Variants in TENM2 observed in about 807,000 individuals in gnomAD.
TENM2 encodes the protein teneurin transmembrane protein 2.
TENM2 carries 52 observed loss-of-function variants against 245.2 expected under a neutral mutation model. That is an observed-to-expected ratio of 0.21 (90% CI 0.17 to 0.27). The LOEUF (loss-of-function observed/expected upper bound fraction) is 0.27, where lower values mean the gene tolerates loss of function less well. TENM2 is among the 10% of genes least tolerant of loss of function. The pLI, the probability that TENM2 is intolerant of heterozygous loss-of-function variation, is 1.00. For synonymous variants in TENM2, 1,363 were observed against 1,438.9 expected (o/e 0.95, Z 1.19); for missense variants, 3,046 against 3,666.8 (o/e 0.83, Z 4.37).
At chr5:167,926,834 A>T (rs1006440019) in intron 3 of TENM2, among the ~76,000 whole-genome samples, 2 of 151,780 alleles carry the variant, frequency 1.3e-5, no homozygotes, top group African/African-American at 4.8e-5. Flanking sequence ...CTTAGTTGTG[A>T]TACTATGATA....
At chr5:167,105,136 G>A in the TENM2 span, among the ~76,000 whole-genome samples, 1 of 152,164 alleles carries the variant, frequency 6.6e-6, no homozygotes, top group African/African-American at 2.4e-5. Flanking sequence ...AGGGAAAAAA[G>A]TAGATGCAAT....
chr5:167,673,433 A>T (rs570795373), intron 2 of TENM2, among the ~76,000 whole-genome samples: 1 of 152,086 alleles, frequency 6.6e-6, no homozygotes, highest in Non-Finnish European at 1.5e-5. Context: ...TAGTTGTCCA[A>T]TGGGGAAGTT....
At chr5:168,087,972 C>A (rs1213744398) in intron 7 of TENM2, among the ~76,000 whole-genome samples, 1 of 152,102 alleles carries the variant, frequency 6.6e-6, no homozygotes, top group Non-Finnish European at 1.5e-5. Flanking sequence ...TCTGAGGAGC[C>A]AGCCAAAATA....
At chr5:168,015,834 A>G (rs1489464545) in intron 5 of TENM2, among the ~76,000 whole-genome samples, 1 of 152,180 alleles carries the variant, frequency 6.6e-6, no homozygotes, top group Non-Finnish European at 1.5e-5. Flanking sequence ...GGTGAGCATT[A>G]ATGATGCTTC....
chr5:167,350,044 G>C (rs1321849980), intron 1 of TENM2, among the ~76,000 whole-genome samples: 1 of 152,118 alleles, frequency 6.6e-6, no homozygotes, highest in Non-Finnish European at 1.5e-5. Context: ...TATCAATATG[G>C]ACTCATACAG....
intron 2 of TENM2, among the ~76,000 whole-genome samples, chr5:167,817,832 G>T (rs772981652): frequency 3.3e-5 from 5 of 152,178 alleles, no homozygotes; most frequent in Non-Finnish European, 7.4e-5. Flanking sequence ...AGTCAGTCTT[G>T]TGTGTTCCAG....
intron 3 of TENM2, among the ~76,000 whole-genome samples, chr5:167,946,552 G>A (rs756667082): frequency 4.1e-4 from 62 of 152,226 alleles, no homozygotes; most frequent in Non-Finnish European, 6.3e-4. Context: ...TGCCATTTAA[G>A]CAAATGTGCA....
intron 2 of TENM2, among the ~76,000 whole-genome samples, chr5:167,477,280 A>T (rs1444451447): frequency 6.6e-6 from 1 of 151,088 alleles, no homozygotes; most frequent in Non-Finnish European, 1.5e-5. Context: ...AAAAAAAAAA[A>T]AATACCATGA....
At chr5:168,219,112 T>C in intron 23 of TENM2, 113 bp downstream of exon 25, 1 of 1,075,606 alleles carries the variant, frequency 9.3e-7, no homozygotes, top group Non-Finnish European at 1.3e-6. Flanking sequence ...TCTTTCTAAC[T>C]TTAATGATGT....
At chr5:168,176,136 G>A (rs1759338212) in intron 13 of TENM2, among the ~76,000 whole-genome samples, 2 of 152,114 alleles carry the variant, frequency 1.3e-5, no homozygotes, top group Admixed American at 6.6e-5. Flanking sequence ...ACTTCTCTGC[G>A]CTGGACTATG....
chr5:167,496,980 C>G (rs1411465096), intron 2 of TENM2, among the ~76,000 whole-genome samples: 2 of 151,488 alleles, frequency 1.3e-5, no homozygotes, highest in East Asian at 3.9e-4. Flanking sequence ...ATTAGAATCA[C>G]TAGACATTTT....
At chr5:168,023,285 C>A (rs1384139326) in intron 5 of TENM2, among the ~76,000 whole-genome samples, 1 of 152,212 alleles carries the variant, frequency 6.6e-6, no homozygotes, top group Non-Finnish European at 1.5e-5. Context: ...TAAAAATAAG[C>A]CAGCCTGATG....
intron 2 of TENM2, among the ~76,000 whole-genome samples, chr5:167,786,753 C>A (rs1051060493): frequency 6.6e-6 from 1 of 152,224 alleles, no homozygotes; most frequent in Non-Finnish European, 1.5e-5. Flanking sequence ...TCTGTTTGTT[C>A]AGAGCCTGTC....
chr5:166,998,937 A>T, the TENM2 span, among the ~76,000 whole-genome samples: 1 of 151,852 alleles, frequency 6.6e-6, no homozygotes, highest in African/African-American at 2.4e-5. Flanking sequence ...TGAAGAAAAA[A>T]GGATTGGCCA....
At chr5:167,759,086 A>G (rs1762494286) in intron 2 of TENM2, among the ~76,000 whole-genome samples, 1 of 149,950 alleles carries the variant, frequency 6.7e-6, no homozygotes. Context: ...TTCAAATCCC[A>G]GTTCTGACAC....
intron 1 of TENM2, among the ~76,000 whole-genome samples, chr5:167,328,204 G>GTTTTTTT (rs70976412): frequency 8.8e-5 from 8 of 91,022 alleles, no homozygotes; most frequent in African/African-American, 3.4e-4. Context: ...TTCTCATATC[G>GTTTTTTT]TTTTTTTTTT....
chr5:167,082,410 A>G, the TENM2 span, among the ~76,000 whole-genome samples: 1 of 152,006 alleles, frequency 6.6e-6, no homozygotes, highest in Admixed American at 6.6e-5. Flanking sequence ...CGGCCTCCCA[A>G]GTAGCTGGGC....
At chr5:167,779,268 TGGGCAACA>T (rs1764022050) in intron 2 of TENM2, among the ~76,000 whole-genome samples, 1 of 152,310 alleles carries the variant, frequency 6.6e-6, no homozygotes, top group East Asian at 1.9e-4. Flanking sequence ...CCTAGTGTGT[TGGGCAACA>T]GGGACCCATC....
At chr5:167,078,906 C>T in the TENM2 span, among the ~76,000 whole-genome samples, 77 of 152,072 alleles carry the variant, frequency 5.1e-4, 2 homozygotes, top group Non-Finnish European at 2.9e-5. Context: ...CACTGCAGTA[C>T]CATGCTTGGG....
Sources: gnomAD v4.1 joint callset for allele counts (sites outside exome capture counted in the v4.1 genomes callset) on GRCh38, gnomAD v4.1.1 for gene constraint, MANE v1.5 for transcripts, NCBI Gene and HGNC (gene_info 2026-07-23, HGNC 2026-07-21) for gene names.